CHD6: variants seen among roughly 807,000 people sequenced by gnomAD.
CHD6 encodes ATP-dependent chromatin remodeler CHD6.
In CHD6, 50 loss-of-function variants were observed where a neutral mutation model predicts 276.9. That is an observed-to-expected ratio of 0.18 (90% CI 0.14 to 0.23). The LOEUF (loss-of-function observed/expected upper bound fraction) is 0.23. Among genes scored for constraint, CHD6 ranks in the 10% least tolerant of loss-of-function variants. The pLI is 1.00. For missense variants in CHD6, 2,564 were observed against 3,365.8 expected (o/e 0.76, Z 5.89); for synonymous variants, 1,173 against 1,229.3 (o/e 0.95, Z 0.96).
At chr20:41,513,549 G>A (rs1329507793) in intron 4 of CHD6, among the ~76,000 whole-genome samples, 1 of 152,114 alleles carries the variant, frequency 6.6e-6, no homozygotes, top group Non-Finnish European at 1.5e-5. Flanking sequence ...TCTTAAGTGT[G>A]ACAAAACAAG....
intron 16 of CHD6, among the ~76,000 whole-genome samples, chr20:41,474,007 G>A (rs2043117059): frequency 6.6e-6 from 1 of 152,160 alleles, no homozygotes; most frequent in Non-Finnish European, 1.5e-5. Context: ...TAAACTGTGA[G>A]GCAGTCCTTT....
chr20:41,413,385 C>T lies in CHD6; in HGVS notation c.7070G>A (p.Ser2357Asn), dbSNP rs202167043. 349 of 1,611,976 alleles carry T rather than the reference C, an allele frequency of 2.2e-4. No homozygotes were observed. Among genetic ancestry groups the T allele is most frequent in the Non-Finnish European group, 2.9e-4 (345 of 1,179,976 alleles). Residue 2357 changes from serine to asparagine, a missense_variant, in exon 35 of 37, where the codon AGT (serine) becomes AAT (asparagine). Transcript: ENST00000373233. Reference sequence around the variant, plus strand: ...CTGCTGCCTTAGCCAGTCAAGCAGACTCTTGCTGGGAATGGATTTCTCGGC... The same window carrying T: ...CTGCTGCCTTAGCCAGTCAAGCAGATTCTTGCTGGGAATGGATTTCTCGGC... ...SQAEKSIPSK[S>N]LLDWLRQQAD...
intron 1 of CHD6, among the ~76,000 whole-genome samples, chr20:41,599,487 T>C (rs768629468): frequency 6.6e-6 from 1 of 152,168 alleles, no homozygotes; most frequent in East Asian, 1.9e-4. Context: ...TGTAGGTTGC[T>C]GCACCATACC....
intron 34 of CHD6, chr20:41,414,752 A>G (rs1451646335): frequency 3.4e-6 from 3 of 891,716 alleles, no homozygotes; most frequent in Non-Finnish European, 4.2e-6. Context: ...GCCCAATATC[A>G]CCCAGTAAGT....
intron 5 of CHD6, among the ~76,000 whole-genome samples, chr20:41,512,074 T>G (rs1185411651): frequency 6.6e-6 from 1 of 152,136 alleles, no homozygotes; most frequent in African/African-American, 2.4e-5. Context: ...TTCAAGTGAT[T>G]CTTGTGCCTC....
At chr20:41,471,735 C>A (rs1486581674) in intron 17 of CHD6, among the ~76,000 whole-genome samples, 2 of 151,950 alleles carry the variant, frequency 1.3e-5, no homozygotes, top group Non-Finnish European at 2.9e-5. Context: ...CGGGGTTTCA[C>A]TGTGTTAGTC....
At chr20:41,409,582 C>T (rs554819834) in intron 36 of CHD6, among the ~76,000 whole-genome samples, 14 of 152,256 alleles carry the variant, frequency 9.2e-5, no homozygotes, top group Admixed American at 3.9e-4. Context: ...ATCCAACAAA[C>T]GCACGCTGGG....
intron 17 of CHD6, among the ~76,000 whole-genome samples, chr20:41,463,164 TA>T (rs999168804): frequency 6.6e-6 from 1 of 151,748 alleles, no homozygotes; most frequent in Non-Finnish European, 1.5e-5. Flanking sequence ...ACTCACTAAA[TA>T]AAAAAAGAAC....
At chr20:41,418,710 C>G (rs1162040208) in intron 31 of CHD6, among the ~76,000 whole-genome samples, 2 of 152,084 alleles carry the variant, frequency 1.3e-5, no homozygotes, top group Admixed American at 6.5e-5. Context: ...CTGTAGATTT[C>G]TAGTCTCGAA....
Position 41,489,895 on chromosome 20 carries a change from G to A in CHD6, c.1563C>T (p.Ile521=). 6.2e-7 allele frequency: 1 copy of A among 1,614,008 alleles called. No homozygotes were observed. The highest frequency in any genetic ancestry group is 1.1e-5 in the South Asian group (1 of 91,072). ...PFLIIAPLST[I]TNWEREFRTW... ...TCCGGAACTCCCGCTCCCAGTTAGT[G>A]ATGGTGGAGAGAGGGGCGATAATGA... Residue 521 remains isoleucine (I), a synonymous_variant, in exon 12 of 37, where the codon ATC becomes ATT. Transcript: ENST00000373233.
intron 3 of CHD6, among the ~76,000 whole-genome samples, chr20:41,517,211 A>C (rs1400699643): frequency 6.6e-6 from 1 of 152,168 alleles, no homozygotes; most frequent in East Asian, 1.9e-4. Context: ...TCTCACTTAC[A>C]AGTGGGAGCT....
At chr20:41,592,637 A>T (rs1249503423) in intron 1 of CHD6, among the ~76,000 whole-genome samples, 1 of 152,238 alleles carries the variant, frequency 6.6e-6, no homozygotes, top group Non-Finnish European at 1.5e-5. Flanking sequence ...TCAAAGATTT[A>T]AAAATGCCTG....
chr20:41,403,068 G>GT lies in CHD6; in HGVS notation c.*1524dup, dbSNP rs2046575614. Reference sequence around the variant, plus strand: ...ATTTACATAATTTATAATCCCAAATGTATAAAAGACAATGAAAAAAGCATC... The same window carrying GT: ...ATTTACATAATTTATAATCCCAAATGTTATAAAAGACAATGAAAAAAGCATC... On this transcript the variant is annotated 3_prime_UTR_variant, in exon 37 of 37. Coordinates refer to ENST00000373233, the MANE Select transcript of CHD6 (RefSeq NM_032221.5). 4.6e-6 allele frequency: 1 copy of GT among 219,294 alleles called. No homozygotes were observed. Among genetic ancestry groups the GT allele is most frequent in the Non-Finnish European group, 9.0e-6 (1 of 111,002 alleles). The allele number at this position is 219,294 out of a possible 1,614,324, so 13.6% of individuals were successfully genotyped here.
chr20:41,465,493 G>C (rs1264337136), intron 17 of CHD6, among the ~76,000 whole-genome samples: 1 of 152,166 alleles, frequency 6.6e-6, no homozygotes, highest in Non-Finnish European at 1.5e-5. Flanking sequence ...GGTCATGAAA[G>C]ATAAGGAAAG....
intron 1 of CHD6, among the ~76,000 whole-genome samples, chr20:41,566,936 G>C (rs745948447): frequency 6.6e-6 from 1 of 152,180 alleles, no homozygotes; most frequent in African/African-American, 2.4e-5. Flanking sequence ...TCATGAACAA[G>C]AGGGCCCAAC....
rs1450297745 is a variant in CHD6, at chr20:41,493,877, T to C, written c.1160A>G (p.Lys387Arg). The stretch of plus-strand genomic sequence containing the variant: ...ACCCACCTCCCCTGTTTCTGCATCC[T>C]TGGTGTGGGCCACCTCCAAGATGCG... ...VDRILEVAHT[K>R]DAETGEEVTH... The change falls in exon 9 of 37, where the codon AAG (lysine) becomes AGG (arginine). Residue 387 changes from lysine to arginine, a missense_variant. Transcript: ENST00000373233. The C allele has an allele frequency of 1.2e-6, 2 of 1,613,870 alleles. No individual in the cohort carries two copies. Among genetic ancestry groups the C allele is most frequent in the Non-Finnish European group, 1.7e-6 (2 of 1,179,852 alleles).
At position 41,473,187 on chromosome 20, in the gene CHD6, C is replaced by T. The variant is rs2043094780; in HGVS notation, c.2664+135G>A. 2.8e-6 allele frequency: 2 copies of T among 721,262 alleles called. No homozygotes were observed. The highest frequency in any genetic ancestry group is 4.2e-5 in the South Asian group (2 of 47,254). The allele number at this position is 721,262 out of a possible 1,614,324, so 44.7% of individuals were successfully genotyped here. A position where few individuals can be genotyped will look rare whatever the true frequency, so the allele number is the denominator to read the frequency against. On this transcript the variant is annotated intron_variant, in intron 17 of 36. Coordinates refer to ENST00000373233, the MANE Select transcript of CHD6 (RefSeq NM_032221.5). This position sits in a 1 kb window ranked among gnomAD's most constrained non-coding sequence, Gnocchi z 4.1. ...TTTTCATTCAGTTTCACCCCCTGAC[C>T]AAGGCCCTAAGCCTGTCATCCAGCT...
chr20:41,534,382 G>A (rs948350727), intron 2 of CHD6, among the ~76,000 whole-genome samples: 15 of 152,214 alleles, frequency 9.9e-5, no homozygotes, highest in Non-Finnish European at 1.8e-4. Context: ...TTGCCCAGGT[G>A]GCATGGTTTC....
intron 10 of CHD6, among the ~76,000 whole-genome samples, chr20:41,492,365 C>T (rs948390542): frequency 5.3e-5 from 8 of 152,138 alleles, no homozygotes; most frequent in East Asian, 1.9e-4. Flanking sequence ...TTCTGCATCT[C>T]GAGACACCTC....
Sources: allele counts gnomAD v4.1 joint callset (sites outside exome capture counted in the v4.1 genomes callset), GRCh38; gene constraint gnomAD v4.1.1; non-coding constraint Gnocchi (gnomAD v3.1); transcripts MANE v1.5; gene names NCBI Gene and HGNC (gene_info 2026-07-23, HGNC 2026-07-21).